The following ANO3 variants were observed in gnomAD, a reference collection of about 807,000 sequenced individuals.
ANO3 encodes the protein anoctamin-3.
In ANO3, 99 loss-of-function variants were observed where a neutral mutation model predicts 144.8. That is an observed-to-expected ratio of 0.68 (90% CI 0.58 to 0.81). The LOEUF (loss-of-function observed/expected upper bound fraction) is 0.81. ANO3 is among the 30% of genes least tolerant of loss of function. ANO3 has a pLI of 0.00. For synonymous variants in ANO3, 414 were observed against 392.6 expected, an observed-to-expected ratio of 1.05 and a Z score of -0.64; for missense variants, 905 against 1,202.2, an observed-to-expected ratio of 0.75 and a Z score of 3.66.
intron 4 of ANO3, among the ~76,000 whole-genome samples, chr11:26,482,472 GTA>G (rs1860262210): frequency 8.0e-6 from 1 of 124,736 alleles, no homozygotes; most frequent in Non-Finnish European, 1.7e-5. Flanking sequence ...GTGTGTGTGT[GTA>G]TCTTTAAAAA....
At chr11:26,597,523 G>A (rs1851670548) in intron 14 of ANO3, among the ~76,000 whole-genome samples, 1 of 152,130 alleles carries the variant, frequency 6.6e-6, no homozygotes, top group African/African-American at 2.4e-5. Context: ...TCAGCGGTGG[G>A]TCTGTGACAG....
At chr11:26,312,113 C>A (rs146842749) in intron 1 of ANO3, among the ~76,000 whole-genome samples, 1 of 152,118 alleles carries the variant, frequency 6.6e-6, no homozygotes, top group South Asian at 2.1e-4. Context: ...TCTGTCCTTG[C>A]GATAGTTTGC....
intron 1 of ANO3, among the ~76,000 whole-genome samples, chr11:26,397,128 C>T (rs974204680): frequency 2.0e-5 from 3 of 152,086 alleles, no homozygotes; most frequent in African/African-American, 7.2e-5. Context: ...ATCAGTTACA[C>T]ATGAAGAAAC....
At chr11:26,633,166 C>T (rs538702020) in intron 18 of ANO3, among the ~76,000 whole-genome samples, 7 of 152,272 alleles carry the variant, frequency 4.6e-5, no homozygotes, top group Admixed American at 6.5e-5. Flanking sequence ...TCTTCAATTA[C>T]GTTAAAATAT....
chr11:26,274,903 A>C (rs1183299765), intron 1 of ANO3, among the ~76,000 whole-genome samples: 2 of 152,058 alleles, frequency 1.3e-5, no homozygotes, highest in Non-Finnish European at 2.9e-5. Flanking sequence ...ATGGTTAGGA[A>C]GGAGAAATGT....
At chr11:26,582,671 G>A (rs956142571) in intron 14 of ANO3, among the ~76,000 whole-genome samples, 3 of 152,082 alleles carry the variant, frequency 2.0e-5, no homozygotes, top group African/African-American at 7.2e-5. Flanking sequence ...AATTTTAATA[G>A]TAGCTGTTTA....
At chr11:26,253,346 A>C (rs1852978297) in intron 1 of ANO3, among the ~76,000 whole-genome samples, 1 of 152,168 alleles carries the variant, frequency 6.6e-6, no homozygotes, top group African/African-American at 2.4e-5. Flanking sequence ...AGTGGGAGCT[A>C]AAAGATGAGA....
intron 4 of ANO3, among the ~76,000 whole-genome samples, chr11:26,467,670 T>A (rs1420087840): frequency 1.3e-5 from 2 of 151,684 alleles, no homozygotes; most frequent in Non-Finnish European, 2.9e-5. Flanking sequence ...TTTTTTTTTT[T>A]ATCCATTCGC....
intron 17 of ANO3, among the ~76,000 whole-genome samples, chr11:26,622,833 CT>C (rs1289635152): frequency 4.6e-5 from 7 of 152,320 alleles, no homozygotes; most frequent in South Asian, 2.1e-4. Context: ...ACGTAAAGCA[CT>C]GTTTGGCACA....
chr11:26,553,369 C>T, intron 13 of ANO3, 24 bp downstream of exon 13: 1 of 1,519,672 alleles, frequency 6.6e-7, no homozygotes, highest in Admixed American at 1.7e-5. Context: ...CTCACATTCT[C>T]CTCCCTGAGC....
intron 1 of ANO3, among the ~76,000 whole-genome samples, chr11:26,209,893 T>C (rs539133502): frequency 1.3e-5 from 2 of 152,220 alleles, no homozygotes; most frequent in Non-Finnish European, 2.9e-5. Context: ...TATTAGACTT[T>C]GTCAGATGGA....
At chr11:26,223,921 A>C (rs1485101919) in intron 1 of ANO3, among the ~76,000 whole-genome samples, 1 of 152,192 alleles carries the variant, frequency 6.6e-6, no homozygotes, top group Non-Finnish European at 1.5e-5. Flanking sequence ...ATTTTCCCCC[A>C]TGACCAAAAC....
chr11:26,232,208 A>G (rs1291233349), intron 1 of ANO3, among the ~76,000 whole-genome samples: 1 of 152,172 alleles, frequency 6.6e-6, no homozygotes, highest in Non-Finnish European at 1.5e-5. Context: ...TGCAGGTGTT[A>G]CAATATGAAC....
At chr11:26,254,944 A>G (rs1471089576) in intron 1 of ANO3, among the ~76,000 whole-genome samples, 1 of 152,154 alleles carries the variant, frequency 6.6e-6, no homozygotes. Flanking sequence ...AGATGAAAAA[A>G]CAACTTCTTC....
At chr11:26,364,223 G>A (rs1055330186) in intron 1 of ANO3, among the ~76,000 whole-genome samples, 1 of 152,136 alleles carries the variant, frequency 6.6e-6, no homozygotes, top group East Asian at 1.9e-4. Flanking sequence ...GAATGGGCCT[G>A]TTGACAAATT....
intron 22 of ANO3, 129 bp from the exon 23 acceptor site, chr11:26,643,053 A>G: frequency 3.8e-6 from 3 of 784,738 alleles, no homozygotes; most frequent in East Asian, 5.0e-5. Flanking sequence ...AGGTTGTCCT[A>G]ACTGTAAAAT....
At chr11:26,560,913 G>T in intron 14 of ANO3, 1 of 710,204 alleles carries the variant, frequency 1.4e-6, no homozygotes, top group Non-Finnish European at 2.2e-6. Flanking sequence ...GATACATCCT[G>T]TCTACATTTC....
chr11:26,598,262 T>G (rs1370584005), intron 14 of ANO3, 103 bp from the exon 15 acceptor site: 2 of 499,188 alleles, frequency 4.0e-6, no homozygotes, highest in Non-Finnish European at 6.4e-6. Flanking sequence ...AATTTATTAT[T>G]TTCATAATTT....
intron 12 of ANO3, among the ~76,000 whole-genome samples, chr11:26,547,964 C>G (rs980786762): frequency 6.6e-6 from 1 of 151,876 alleles, no homozygotes; most frequent in Non-Finnish European, 1.5e-5. Flanking sequence ...TTTGCTATAA[C>G]CTTCACTACC....
Sources: allele counts gnomAD v4.1 joint callset (sites outside exome capture counted in the v4.1 genomes callset), GRCh38; gene constraint gnomAD v4.1.1; transcripts MANE v1.5; gene names NCBI Gene and HGNC (gene_info 2026-07-23, HGNC 2026-07-21).